Variants in CACNA2D1 observed in about 807,000 individuals in gnomAD.
CACNA2D1 encodes the protein calcium voltage-gated channel auxiliary subunit alpha2delta 1.
In CACNA2D1, 53 loss-of-function variants were observed where a neutral mutation model predicts 171.5. The ratio of observed to expected loss-of-function variants is 0.31; its 90% confidence interval spans 0.25 to 0.39. CACNA2D1 has a LOEUF of 0.39. Among genes scored for constraint, CACNA2D1 ranks in the 10% least tolerant of loss-of-function variants. CACNA2D1 has a pLI of 1.00. For missense variants in CACNA2D1, 903 were observed against 1,299.8 expected, an observed-to-expected ratio of 0.69 and a Z score of 4.69; for synonymous variants, 442 against 443.1, an observed-to-expected ratio of 1.00 and a Z score of 0.03.
At chr7:82,312,758 T>G (rs1307212153) in intron 3 of CACNA2D1, among the ~76,000 whole-genome samples, 15 of 151,916 alleles carry the variant, frequency 9.9e-5, no homozygotes. Context: ...GGTCTCGAAC[T>G]CCTTAACTCA....
At chr7:82,011,420 C>CA (rs1002495366) in intron 15 of CACNA2D1, among the ~76,000 whole-genome samples, 1 of 152,080 alleles carries the variant, frequency 6.6e-6, no homozygotes, top group African/African-American at 2.4e-5. Flanking sequence ...CCATGACAAT[C>CA]AAAAATGCAG....
At chr7:81,967,453 T>C in intron 30 of CACNA2D1, 143 bp downstream of exon 30, 2 of 647,018 alleles carry the variant, frequency 3.1e-6, no homozygotes. Flanking sequence ...CAAAAAAAGC[T>C]TTGAAAAAAT....
intron 1 of CACNA2D1, among the ~76,000 whole-genome samples, chr7:82,354,563 C>G (rs1468583484): frequency 6.6e-6 from 1 of 152,138 alleles, no homozygotes; most frequent in African/African-American, 2.4e-5. Flanking sequence ...TTACTTACTG[C>G]TCTCTATTTC....
chr7:82,115,743 T>TA (rs543239994), intron 6 of CACNA2D1, among the ~76,000 whole-genome samples: 3,787 of 143,148 alleles, frequency 0.026, 140 homozygotes, highest in African/African-American at 0.088. Flanking sequence ...TCAAAGTGAA[T>TA]AAAAAAAAAA....
chr7:82,031,596 T>C (rs200510698), intron 12 of CACNA2D1, among the ~76,000 whole-genome samples: 1 of 151,954 alleles, frequency 6.6e-6, no homozygotes, highest in Non-Finnish European at 1.5e-5. Flanking sequence ...GTTTAATTAA[T>C]TTGAAATTAT....
intron 1 of CACNA2D1, among the ~76,000 whole-genome samples, chr7:82,422,204 GCAA>G (rs1828778678): frequency 6.6e-6 from 1 of 152,112 alleles, no homozygotes; most frequent in Non-Finnish European, 1.5e-5. Context: ...ATATCTTACT[GCAA>G]TAATTAACTA....
At chr7:82,393,894 T>C (rs940135495) in intron 1 of CACNA2D1, among the ~76,000 whole-genome samples, 4 of 152,226 alleles carry the variant, frequency 2.6e-5, no homozygotes, top group African/African-American at 9.6e-5. Flanking sequence ...CATAGACTTC[T>C]AGTGTAGCAT....
chr7:82,164,171 T>C (rs1468566644), intron 4 of CACNA2D1, among the ~76,000 whole-genome samples: 1 of 151,974 alleles, frequency 6.6e-6, no homozygotes, highest in Non-Finnish European at 1.5e-5. Flanking sequence ...ATATTGTCAA[T>C]AATGCTTACA....
intron 1 of CACNA2D1, among the ~76,000 whole-genome samples, chr7:82,439,351 A>G (rs1830327473): frequency 6.6e-6 from 1 of 151,988 alleles, no homozygotes; most frequent in Non-Finnish European, 1.5e-5. Context: ...AAAGAAGAGT[A>G]TTTTATTGTT....
In CACNA2D1 at chr7:82,416,218, A is replaced by AAAT. The variant is rs559669190; in HGVS notation, c.95+27144_95+27146dup. Among the ~76,000 whole-genome samples the AAAT allele has an allele frequency of 2.6e-3, 389 of 151,604 alleles. 3 individuals are homozygous for AAAT. Among genetic ancestry groups the AAAT allele is most frequent in the East Asian group, 0.013 (67 of 5,150 alleles). ...TAACAGCGCGAGACTCTGTCTCAAA[A>AAAT]AATAATAATAATAATAATAATAAAG... On this transcript the variant is annotated intron_variant, in intron 1 of 38. Transcript: ENST00000356860.
At chr7:82,223,694 G>C (rs1040400339) in intron 3 of CACNA2D1, among the ~76,000 whole-genome samples, 1 of 152,182 alleles carries the variant, frequency 6.6e-6, no homozygotes, top group African/African-American at 2.4e-5. Flanking sequence ...TTCCTGGCTA[G>C]TCCAGGACAG....
At chr7:82,030,760 A>G (rs139375851) in intron 12 of CACNA2D1, among the ~76,000 whole-genome samples, 79 of 152,052 alleles carry the variant, frequency 5.2e-4, no homozygotes, top group African/African-American at 1.7e-3. Context: ...ACTTAAAATT[A>G]TGACAAATAT....
At chr7:82,441,160 G>A (rs1200436174) in intron 1 of CACNA2D1, among the ~76,000 whole-genome samples, 1 of 151,896 alleles carries the variant, frequency 6.6e-6, no homozygotes, top group East Asian at 1.9e-4. Flanking sequence ...AAAAGCAAAT[G>A]GCACATCTTT....
At chr7:82,325,492 C>T (rs562314890) in intron 3 of CACNA2D1, among the ~76,000 whole-genome samples, 139 of 152,072 alleles carry the variant, frequency 9.1e-4, no homozygotes, top group Non-Finnish European at 1.6e-3. Flanking sequence ...TAAGTACATG[C>T]CAACTGGACA....
chr7:81,948,993 G>C lies in CACNA2D1; in HGVS notation c.*1399C>G, dbSNP rs888384965. The C allele has an allele frequency of 6.6e-6, 1 of 151,820 alleles. No homozygotes were observed. The highest frequency in any genetic ancestry group is 2.4e-5 in the African/African-American group (1 of 41,356). 9.4% of individuals were successfully genotyped at this position (151,820 alleles called of 1,614,324 possible). ...TTCATGTGCATACATAGAGATTCAA[G>C]GTTTCCTATTTGTTCAGATTATTGT... On this transcript the variant is annotated 3_prime_UTR_variant, in exon 39 of 39. Coordinates refer to ENST00000356860, the MANE Select transcript of CACNA2D1 (RefSeq NM_000722.4).
At chr7:82,255,428 C>T (rs1806180428) in intron 3 of CACNA2D1, among the ~76,000 whole-genome samples, 1 of 152,084 alleles carries the variant, frequency 6.6e-6, no homozygotes, top group Non-Finnish European at 1.5e-5. Flanking sequence ...AAGGTGAGCA[C>T]TTTATAAATA....
At chr7:82,064,233 C>T in intron 9 of CACNA2D1, 71 bp downstream of exon 9, 1 of 1,039,570 alleles carries the variant, frequency 9.6e-7, no homozygotes, top group Non-Finnish European at 1.5e-6. Context: ...TTCTTAGTCC[C>T]ACCATACTAC....
intron 24 of CACNA2D1, among the ~76,000 whole-genome samples, chr7:81,976,356 TG>T: frequency 6.6e-6 from 1 of 152,330 alleles, no homozygotes; most frequent in South Asian, 2.1e-4. Flanking sequence ...TTCATGATAT[TG>T]ATCTTCCTAT....
At chr7:82,299,532 G>A (rs1455339507) in intron 3 of CACNA2D1, among the ~76,000 whole-genome samples, 1 of 151,904 alleles carries the variant, frequency 6.6e-6, no homozygotes, top group Non-Finnish European at 1.5e-5. Flanking sequence ...GTGGTGGTAG[G>A]CACCTGTAGT....
Sources: allele counts gnomAD v4.1 joint callset (sites outside exome capture counted in the v4.1 genomes callset), GRCh38; gene constraint gnomAD v4.1.1; transcripts MANE v1.5; gene names NCBI Gene and HGNC (gene_info 2026-07-23, HGNC 2026-07-21).